Variants in ERGIC3 observed in about 807,000 individuals in gnomAD.
ERGIC3 encodes endoplasmic reticulum-Golgi intermediate compartment protein 3.
A neutral mutation model predicts 54.7 loss-of-function variants in ERGIC3; 33 were observed. That is an observed-to-expected ratio of 0.60 (90% CI 0.46 to 0.81). The LOEUF (loss-of-function observed/expected upper bound fraction) is 0.81. Ranked by LOEUF, ERGIC3 falls within the 30% of genes least tolerant of loss-of-function variation. ERGIC3 has a pLI of 0.00. For missense variants in ERGIC3, 399 were observed against 488.4 expected (o/e 0.82, Z 1.73); for synonymous variants, 186 against 189.8 (o/e 0.98, Z 0.16).
chr20:35,547,697 C>T (rs2064656635), intron 5 of ERGIC3, among the ~76,000 whole-genome samples, 192 bp downstream of exon 5: 2 of 152,158 alleles, frequency 1.3e-5, no homozygotes, highest in Admixed American at 6.5e-5. Flanking sequence ...GAGCTGCAGA[C>T]CTAGAGATGA....
At position 35,542,844 on chromosome 20, in the gene ERGIC3, T is replaced by G; in HGVS notation, c.270T>G (p.Asp90Glu). The G allele has an allele frequency of 6.2e-7, 1 of 1,614,036 alleles. No homozygotes were observed. The highest frequency in any genetic ancestry group is 8.5e-7 in the Non-Finnish European group (1 of 1,179,990). The change falls in exon 4 of 13, where the codon GAT (aspartate) becomes GAG (glutamate). Residue 90 changes from aspartate to glutamate, a missense_variant. Coordinates refer to ENST00000348547, the MANE Select transcript of ERGIC3 (RefSeq NM_015966.3). ...PCAYLSIDAM[D>E]VAGEQQLDVE... ...CAGATCTGAGTATTGATGCCATGGA[T>G]GTGGCCGGAGAACAGCAGCTGGATG...
In ERGIC3 at chr20:35,549,466, T is replaced by A. The variant is rs543479907; in HGVS notation, c.685+601T>A. The A allele has an allele frequency of 1.5e-4, 49 of 337,154 alleles. No homozygotes were observed. In the Admixed American group the frequency reaches 1.8e-3, roughly 12 times the overall value. 20.9% of individuals were successfully genotyped at this position (337,154 alleles called of 1,614,324 possible). On this transcript the variant is annotated intron_variant, in intron 7 of 12. Coordinates refer to ENST00000348547, the MANE Select transcript of ERGIC3 (RefSeq NM_015966.3). ...ATTCACAAAATATTTAGTAATCACC[T>A]ACTAGTCTAGTTGCTAAGGGTACAG...
intron 8 of ERGIC3, among the ~76,000 whole-genome samples, chr20:35,555,388 G>C (rs2064705505): frequency 6.6e-6 from 1 of 152,172 alleles, no homozygotes; most frequent in South Asian, 2.1e-4. Flanking sequence ...GAAGTCGGCA[G>C]GGACCAGACC....
At chr20:35,556,856 T>C in intron 10 of ERGIC3, 117 bp from the exon 11 acceptor site, 2 of 1,430,088 alleles carry the variant, frequency 1.4e-6, no homozygotes, top group Non-Finnish European at 1.9e-6. Flanking sequence ...CGGTGCTGTG[T>C]TCTCTCCTTA....
At chr20:35,557,278 T>C in intron 12 of ERGIC3, 29 bp downstream of exon 12, 9 of 1,613,464 alleles carry the variant, frequency 5.6e-6, no homozygotes, top group Non-Finnish European at 7.6e-6. Context: ...CTGTGAGCTG[T>C]GGGGTGGGGA....
chr20:35,546,295 G>A (rs1300509243), intron 4 of ERGIC3, among the ~76,000 whole-genome samples: 4 of 152,238 alleles, frequency 2.6e-5, no homozygotes, highest in Admixed American at 6.5e-5. Context: ...AGGGAGAGCT[G>A]AGAAATGGAG....
In ERGIC3 at chr20:35,556,862, C is replaced by T. The variant is rs1168100643; in HGVS notation, c.880-111C>T. The T allele has an allele frequency of 2.7e-6, 4 of 1,479,908 alleles. No individual in the cohort carries two copies. The Admixed American group carries it at 5.6e-5, about 21-fold the overall frequency. 91.7% of individuals were successfully genotyped at this position (1,479,908 alleles called of 1,614,324 possible). A position where few individuals can be genotyped will look rare whatever the true frequency, so the allele number is the denominator to read the frequency against. On this transcript the variant is annotated intron_variant, in intron 10 of 12. Transcript: ENST00000348547. ...CCACTAGCACGGTGCTGTGTTCTCT[C>T]CTTACACGGCCAAGGCTCAACAGGA... is the stretch of plus-strand genomic sequence containing the variant.
chr20:35,548,857 A>G lies in ERGIC3; in HGVS notation c.677A>G (p.His226Arg). The G allele has an allele frequency of 2.5e-6, 4 of 1,614,210 alleles. No individual in the cohort carries two copies. The highest frequency in any genetic ancestry group is 1.7e-6 in the Non-Finnish European group (2 of 1,180,028). The change falls in exon 7 of 13, where the codon CAT becomes CGT. Residue 226 changes from histidine (H) to arginine (R), a missense_variant. By Grantham distance (29) the His-to-Arg change is conservative (BLOSUM62 0). Coordinates refer to ENST00000348547, the MANE Select transcript of ERGIC3 (RefSeq NM_015966.3). ...FAPGKSFQQS[H>R]VHVHDLQSFG... ...CCTGGGAAGAGCTTCCAGCAGTCCC[A>G]TGTGCACGGTGAGTGATCTGCACTA...
chr20:35,551,855 T>C (rs748198867), intron 7 of ERGIC3, among the ~76,000 whole-genome samples: 23 of 151,920 alleles, frequency 1.5e-4, no homozygotes, highest in Non-Finnish European at 1.6e-4. Context: ...CGGGAGGGAA[T>C]GGGGGAGGAG....
chr20:35,550,846 A>G (rs1437194861), intron 7 of ERGIC3, among the ~76,000 whole-genome samples: 1 of 152,194 alleles, frequency 6.6e-6, no homozygotes, highest in Non-Finnish European at 1.5e-5. Context: ...GCAGTGATCA[A>G]TCCAGGCAAA....
In ERGIC3 at chr20:35,542,333, C is replaced by G. The variant is rs769567911; in HGVS notation, c.99C>G (p.Val33=). Residue 33 remains valine, a synonymous_variant, in exon 2 of 13, where the codon GTC becomes GTG. Coordinates refer to ENST00000348547, the MANE Select transcript of ERGIC3 (RefSeq NM_015966.3). The part of the protein sequence containing the change: ...KTCGGATVTI[V]SGLLMLLLFL... ...CCCCTTGTCCTGCAGTGACCATTGT[C>G]AGTGGCCTTCTCATGCTGCTACTGT... 1 of 1,614,036 alleles carries G rather than the reference C, an allele frequency of 6.2e-7. No homozygotes were observed. Among genetic ancestry groups the G allele is most frequent in the Non-Finnish European group, 8.5e-7 (1 of 1,180,020 alleles).
Position 35,542,110 on chromosome 20 carries a change from G to T in ERGIC3, c.13G>T (p.Gly5Trp), listed in dbSNP as rs755143723. The T allele has an allele frequency of 1.3e-6, 2 of 1,552,530 alleles. No individual in the cohort carries two copies. Among genetic ancestry groups the T allele is most frequent in the East Asian group, 2.3e-5 (1 of 44,168 alleles). ...CCGGCCGGTCCCCATGGAGGCGCTG[G>T]GGAAGCTGAAGCAGTTCGATGCCTA... MEAL[G>W]KLKQFDAYPK... The change falls in exon 1 of 13, where the codon GGG becomes TGG. Residue 5 changes from glycine to tryptophan, a missense_variant. Transcript: ENST00000348547.
At chr20:35,552,354 A>G (rs996089318) in intron 7 of ERGIC3, among the ~76,000 whole-genome samples, 2 of 152,146 alleles carry the variant, frequency 1.3e-5, no homozygotes, top group Non-Finnish European at 2.9e-5. Flanking sequence ...GAGATTGAGT[A>G]GGATTGATGC....
intron 7 of ERGIC3, among the ~76,000 whole-genome samples, chr20:35,551,872 C>G (rs1301450931): frequency 6.6e-6 from 1 of 151,970 alleles, no homozygotes. Flanking sequence ...GGAGTTGGAG[C>G]CAGTATTGAC....
At chr20:35,549,071 C>G in intron 7 of ERGIC3, 2 of 688,096 alleles carry the variant, frequency 2.9e-6, no homozygotes, top group South Asian at 1.5e-5. Flanking sequence ...AGTTTCAGAC[C>G]TTACTGGCTG....
chr20:35,554,968 C>T, intron 7 of ERGIC3, 76 bp from the exon 8 acceptor site: 1 of 1,553,274 alleles, frequency 6.4e-7, no homozygotes, highest in South Asian at 1.1e-5. Context: ...GTTTGCAGTC[C>T]AGGGGGAGGA....
intron 7 of ERGIC3, among the ~76,000 whole-genome samples, chr20:35,551,915 A>G (rs568339538): frequency 6.6e-6 from 1 of 152,094 alleles, no homozygotes; most frequent in Non-Finnish European, 1.5e-5. Context: ...AGGGGAGGAG[A>G]GAGCATGAGC....
chr20:35,543,320 T>C (rs530130447), intron 4 of ERGIC3: 15 of 334,962 alleles, frequency 4.5e-5, no homozygotes, highest in African/African-American at 2.1e-4. Context: ...GCTCTTCCCC[T>C]TTGGAATGCA....
intron 7 of ERGIC3, chr20:35,549,424 CATTT>C: frequency 2.8e-6 from 1 of 354,590 alleles, no homozygotes; most frequent in East Asian, 7.7e-5. Flanking sequence ...TATTCTCATT[CATTT>C]GTTCATTCAT....
Sources: allele counts gnomAD v4.1 joint callset (sites outside exome capture counted in the v4.1 genomes callset), GRCh38; gene constraint gnomAD v4.1.1; transcripts MANE v1.5; gene names NCBI Gene and HGNC (gene_info 2026-07-23, HGNC 2026-07-21).